CELSR2: variants seen among roughly 807,000 people sequenced by gnomAD.
The protein encoded by CELSR2 is EGF-like protein 2.
Under a neutral mutation model 251.6 loss-of-function variants are expected in CELSR2, and 81 were observed. The observed-to-expected ratio is 0.32, with a 90% CI of 0.27 to 0.39. CELSR2 has a LOEUF of 0.39. Ranked by LOEUF, CELSR2 falls within the 10% of genes least tolerant of loss-of-function variation. The pLI, the probability that CELSR2 is intolerant of heterozygous loss-of-function variation, is 1.00. For missense variants in CELSR2, 3,365 were observed against 3,947.7 expected, an observed-to-expected ratio of 0.85 and a Z score of 3.96; for synonymous variants, 1,721 against 1,670.5, an observed-to-expected ratio of 1.03 and a Z score of -0.74.
In CELSR2 at chr1:109,270,009, T is replaced by C; in HGVS notation, c.7184T>C (p.Phe2395Ser). Residue 2395 changes from phenylalanine (F) to serine (S), a missense_variant, in exon 23 of 34, where the codon TTC becomes TCC. Phe to Ser is a radical substitution (Grantham distance 155). Around this residue, in one of 5 missense-constraint regions of CELSR2, gnomAD observed 2,093 missense variants for 2,382.8 expected, o/e 0.88. Coordinates refer to ENST00000271332, the MANE Select transcript of CELSR2 (RefSeq NM_001408.3). The stretch of plus-strand genomic sequence containing the variant: ...ACCTTGGCTGCCCTTCTGCTCACCT[T>C]CTTCTTCCTCACTCTCTTGCGTATC... Reference protein sequence around the residue: ...GVTLAALLLTFFFLTLLRILR... With the variant: ...GVTLAALLLTSFFLTLLRILR... 3 of 1,613,800 alleles carry C rather than the reference T, an allele frequency of 1.9e-6. No individual in the cohort carries two copies. Among genetic ancestry groups the C allele is most frequent in the Non-Finnish European group, 1.7e-6 (2 of 1,179,804 alleles).
Position 109,267,582 on chromosome 1 carries a change from G to A in CELSR2, c.6048G>A (p.Gly2016=), listed in dbSNP as rs745430412. The part of the protein sequence containing the change: ...TAVRHCDEHR[G]WLPPNLFNCT... Reference sequence around the variant, plus strand: ...TGCGCCACTGTGATGAGCACAGGGGGTGGCTCCCCCCAAACCTCTTCAACT... The same window carrying A: ...TGCGCCACTGTGATGAGCACAGGGGATGGCTCCCCCCAAACCTCTTCAACT... The change falls in exon 16 of 34, where the codon GGG becomes GGA. Residue 2016 remains glycine (G), a synonymous_variant. Coordinates refer to ENST00000271332, the MANE Select transcript of CELSR2 (RefSeq NM_001408.3). 4 of 1,614,038 alleles carry A rather than the reference G, an allele frequency of 2.5e-6. No homozygotes were observed. The African/African-American group carries it at 5.3e-5, about 22-fold the overall frequency.
Position 109,258,832 on chromosome 1 carries a change from C to T in CELSR2, c.3711C>T (p.Cys1237=), listed in dbSNP as rs1655936416. The T allele has an allele frequency of 3.7e-6, 6 of 1,612,232 alleles. No individual in the cohort carries two copies. Among genetic ancestry groups the T allele is most frequent in the African/African-American group, 1.3e-5 (1 of 74,914 alleles). The part of the protein sequence containing the change: ...FDDNICLREP[C]ENYMRCVSVL... ...ACAACATCTGCCTGCGGGAGCCCTG[C>T]GAGAACTACATGCGCTGCGTGTCGG... Residue 1237 remains cysteine, a synonymous_variant, in exon 2 of 34, where the codon TGC becomes TGT. Transcript: ENST00000271332.
At position 109,263,664 on chromosome 1, in the gene CELSR2, C is replaced by G. The variant is rs770788074; in HGVS notation, c.4888C>G (p.Leu1630Val). ...LGSSLVAWHGLSLPISQPWYL... is the reference protein window; with the variant it reads ...LGSSLVAWHGVSLPISQPWYL... ...CAGCAGCCTGGTGGCCTGGCATGGC[C>G]TCTCGCTGCCCATCTCCCAACCCTG... Residue 1630 changes from leucine (L) to valine (V), a missense_variant, in exon 9 of 34, where the codon CTC becomes GTC. By Grantham distance (32) the Leu-to-Val change is conservative. This residue lies in a region of CELSR2 where 2,093 missense variants were observed against 2,382.8 expected (regional missense o/e 0.88). Coordinates refer to ENST00000271332, the MANE Select transcript of CELSR2 (RefSeq NM_001408.3). 5 of 1,614,050 alleles carry G rather than the reference C, an allele frequency of 3.1e-6. No individual in the cohort carries two copies. Among genetic ancestry groups the G allele is most frequent in the Admixed American group, 3.3e-5 (2 of 60,024 alleles).
In CELSR2 at chr1:109,275,012, C is replaced by G. The variant is rs1327409028; in HGVS notation, c.*963C>G. The G allele has an allele frequency of 6.6e-6, 1 of 152,558 alleles. No individual in the cohort carries two copies. The highest frequency in any genetic ancestry group is 3.2e-3 in the Middle Eastern group (1 of 316). The allele number at this position is 152,558 out of a possible 1,614,324, so 9.5% of individuals were successfully genotyped here. ...TTTCAAGTCTGGGTTCTGGTGTCCA[C>G]TCACCCACCCCACCCCCCAAAATCA... On this transcript the variant is annotated 3_prime_UTR_variant, in exon 34 of 34. Coordinates refer to ENST00000271332, the MANE Select transcript of CELSR2 (RefSeq NM_001408.3).
rs368341855 is a variant in CELSR2, at chr1:109,268,562, G to A, written c.6319-19G>A. On this transcript the variant is annotated intron_variant, in intron 17 of 33. Coordinates refer to ENST00000271332, the MANE Select transcript of CELSR2 (RefSeq NM_001408.3). ...GGTGTGGGTTGTGAGCACACCCACC[G>A]TGACCTTGCCCACCCCAGAATCTGC... The A allele has an allele frequency of 7.1e-5, 113 of 1,593,588 alleles. 1 individual carries two copies. The South Asian group carries it at 8.6e-4, about 12-fold the overall frequency.
chr1:109,273,694 A>C, intron 33 of CELSR2, 24 bp downstream of exon 33: 49 of 1,028,612 alleles, frequency 4.8e-5, no homozygotes, highest in African/African-American at 6.4e-5. Flanking sequence ...GGTGGGCGGG[A>C]CGGGGTGCAG....
rs1421450892 is a variant in CELSR2 at position 109,253,369 on chromosome 1, T to C, written c.3290T>C (p.Ile1097Thr). The C allele has an allele frequency of 6.2e-7, 1 of 1,612,644 alleles. No homozygotes were observed. The highest frequency in any genetic ancestry group is 8.5e-7 in the Non-Finnish European group (1 of 1,179,910). The change falls in exon 1 of 34, where the codon ATC (isoleucine) becomes ACC (threonine). Residue 1097 changes from isoleucine to threonine, a missense_variant. Transcript: ENST00000271332. Reference protein sequence around the residue: ...ALDNNRPLEAIMSVLVSDGVH... With the variant: ...ALDNNRPLEATMSVLVSDGVH... ...GACAACAACCGGCCTCTGGAGGCCA[T>C]CATGAGCGTGCTGGTGTCAGGTAAG...
Position 109,264,567 on chromosome 1 carries a change from G to A in CELSR2, c.5403G>A (p.Pro1801=), listed in dbSNP as rs777511741. 30 of 1,614,196 alleles carry A rather than the reference G, an allele frequency of 1.9e-5. No homozygotes were observed. Among genetic ancestry groups the A allele is most frequent in the South Asian group, 3.3e-5 (3 of 91,092 alleles). The stretch of plus-strand genomic sequence containing the variant: ...TGCCTGACCCTTGTGACTCAAACCC[G>A]TGTCCTGCTAACAGCTATTGCAGCA... ...CSLPDPCDSN[P]CPANSYCSND... The change falls in exon 11 of 34, where the codon CCG becomes CCA. Residue 1801 remains proline (P), a synonymous_variant. Coordinates refer to ENST00000271332, the MANE Select transcript of CELSR2 (RefSeq NM_001408.3).
chr1:109,253,210 G>T lies in CELSR2; in HGVS notation c.3131G>T (p.Gly1044Val), dbSNP rs1655749273. The part of the protein sequence containing the change: ...VTNRSSSFPG[G>V]AIGRVPAHDP... ...AATCGCTCAAGCAGCTTCCCTGGGG[G>T]TGCCATTGGCCGAGTACCTGCCCAT... Residue 1044 changes from glycine to valine, a missense_variant, in exon 1 of 34, where the codon GGT (glycine) becomes GTT (valine). By Grantham distance (109) the Gly-to-Val change is moderately radical. Around this residue, in one of 5 missense-constraint regions of CELSR2, gnomAD observed 505 missense variants for 660.0 expected, o/e 0.77. Transcript: ENST00000271332. 1.9e-6 allele frequency: 3 copies of T among 1,613,440 alleles called. No homozygotes were observed. In the African/African-American group the frequency reaches 4.0e-5, roughly 22 times the overall value.
chr1:109,266,352 C>A, intron 15 of CELSR2, 146 bp downstream of exon 15: 1 of 914,766 alleles, frequency 1.1e-6, no homozygotes, highest in Non-Finnish European at 1.6e-6. Flanking sequence ...TTCCTTGGTT[C>A]ACATTCCCCC....
At chr1:109,266,807 C>T (rs1656209436) in intron 15 of CELSR2, among the ~76,000 whole-genome samples, 1 of 151,334 alleles carries the variant, frequency 6.6e-6, no homozygotes, top group Non-Finnish European at 1.5e-5. Context: ...GCAACCTCCA[C>T]CTCACAGGTT....
chr1:109,251,900 TCCAACCTTTACCCAA>T lies in CELSR2; in HGVS notation c.1825_1839del (p.Thr609_Pro613del). 1 of 1,614,034 alleles carries T rather than the reference TCCAACCTTTACCCAA, an allele frequency of 6.2e-7. No homozygotes were observed. The highest frequency in any genetic ancestry group is 8.5e-7 in the Non-Finnish European group (1 of 1,180,006). The stretch of plus-strand genomic sequence containing the variant: ...CTGTCCTGGATGTCAACGACAACAA[TCCAACCTTTACCCAA>T]CCAGAGTACACAGTGCGGCTCAATG... On this transcript the variant is annotated inframe_deletion, in exon 1 of 34. Transcript: ENST00000271332. The surrounding 1 kb of genome is among the most constrained non-coding windows in gnomAD (Gnocchi z 4.9).
chr1:109,261,689 T>C lies in CELSR2; in HGVS notation c.4297+61T>C. ...CAAAGGCCCCAAGTCTTCCAGCCCC[T>C]GACCCCAAGCCACATACTCTATCAG... On this transcript the variant is annotated intron_variant, in intron 4 of 33. Coordinates refer to ENST00000271332, the MANE Select transcript of CELSR2 (RefSeq NM_001408.3). The surrounding 1 kb of genome is among the most constrained non-coding windows in gnomAD (Gnocchi z 4.8). The C allele has an allele frequency of 1.3e-6, 2 of 1,565,972 alleles. No homozygotes were observed. Among genetic ancestry groups the C allele is most frequent in the Non-Finnish European group, 8.8e-7 (1 of 1,137,760 alleles).
intron 28 of CELSR2, 63 bp from the exon 29 acceptor site, chr1:109,272,215 T>C (rs1656390394): frequency 2.6e-6 from 4 of 1,513,532 alleles, no homozygotes; most frequent in East Asian, 2.3e-5. Flanking sequence ...CCACCCTCCT[T>C]CTTCCCAGCC....
At chr1:109,267,405 T>C in intron 15 of CELSR2, 143 bp from the exon 16 acceptor site, 1 of 674,988 alleles carries the variant, frequency 1.5e-6, no homozygotes, top group South Asian at 2.0e-5. Context: ...TACATACCTG[T>C]CTTCCTGTTT....
rs367691599 is a variant in CELSR2, at chr1:109,252,729, G to A, written c.2650G>A (p.Val884Met). ...GCTACGGAGGCTGGATCGAGAGAAC[G>A]TGGCCCAGTATGTCTTGCGGGCATA... ...RTLRRLDREN[V>M]AQYVLRAYAV... is the part of the protein sequence containing the mutation. Residue 884 changes from valine to methionine, a missense_variant, in exon 1 of 34, where the codon GTG becomes ATG. Coordinates refer to ENST00000271332, the MANE Select transcript of CELSR2 (RefSeq NM_001408.3). The surrounding 1 kb of genome is among the most constrained non-coding windows in gnomAD (Gnocchi z 4.8). 1.1e-5 allele frequency: 17 copies of A among 1,613,960 alleles called. No homozygotes were observed. Among genetic ancestry groups the A allele is most frequent in the Non-Finnish European group, 1.3e-5 (15 of 1,180,046 alleles).
In CELSR2 at chr1:109,261,224, C is replaced by T. The variant is rs768889908; in HGVS notation, c.4141C>T (p.Arg1381Cys). Reference protein sequence around the residue: ...SFPAHSFITFRGLRQRFHFTL... With the variant: ...SFPAHSFITFCGLRQRFHFTL... ...CCCCGCCCACTCCTTCATCACCTTT[C>T]GCGGCCTGCGCCAGCGTTTCCACTT... Residue 1381 changes from arginine (R) to cysteine (C), a missense_variant, in exon 3 of 34, where the codon CGC becomes TGC. Arg to Cys is a radical substitution (Grantham distance 180, BLOSUM62 -3). This residue lies in a region of CELSR2 where 2,093 missense variants were observed against 2,382.8 expected (regional missense o/e 0.88). Transcript: ENST00000271332. The surrounding 1 kb of genome is among the most constrained non-coding windows in gnomAD (Gnocchi z 4.8). 1.4e-5 allele frequency: 22 copies of T among 1,613,798 alleles called. No individual in the cohort carries two copies. The highest frequency in any genetic ancestry group is 4.0e-5 in the African/African-American group (3 of 74,924).
At chr1:109,263,050 G>A (rs1200745298) in intron 7 of CELSR2, 81 bp downstream of exon 7, 1 of 1,585,674 alleles carries the variant, frequency 6.3e-7, no homozygotes, top group African/African-American at 1.3e-5. Flanking sequence ...ATGCCAGAAT[G>A]GAGGGTCTCA....
Position 109,266,129 on chromosome 1 carries a change from C to A in CELSR2, c.5936C>A (p.Ala1979Glu), listed in dbSNP as rs141290318. The change falls in exon 15 of 34, where the codon GCG becomes GAG. Residue 1979 changes from alanine to glutamate, a missense_variant. This residue lies in a region of CELSR2 where 2,093 missense variants were observed against 2,382.8 expected (regional missense o/e 0.88). Coordinates refer to ENST00000271332, the MANE Select transcript of CELSR2 (RefSeq NM_001408.3). ...GTGAATTATGACAGCTGCCCACGAG[C>A]GATTGAGGCTGGGATCTGGTGGCCC... ...CEVNYDSCPRAIEAGIWWPRT... is the reference protein window; with the variant it reads ...CEVNYDSCPREIEAGIWWPRT... 2.5e-6 allele frequency: 4 copies of A among 1,613,946 alleles called. No individual in the cohort carries two copies. In the African/African-American group the frequency reaches 5.3e-5, roughly 22 times the overall value.
Sources: gnomAD v4.1 joint callset for allele counts (sites outside exome capture counted in the v4.1 genomes callset) on GRCh38, gnomAD v4.1.1 for gene constraint, gnomAD v4.1.1 regional missense constraint, Gnocchi (gnomAD v3.1) non-coding constraint, MANE v1.5 for transcripts, NCBI Gene and HGNC (gene_info 2026-07-23, HGNC 2026-07-21) for gene names.